The following COMMD10 variants were observed in gnomAD, a reference collection of about 807,000 sequenced individuals.
The protein encoded by COMMD10 is COMM domain-containing protein 10.
In COMMD10, 33 loss-of-function variants were observed where a neutral mutation model predicts 28.9. The ratio of observed to expected loss-of-function variants is 1.14; its 90% CI spans 0.87 to 1.53. The LOEUF is 1.53. Ranked by LOEUF, COMMD10 falls within the 40% of genes most tolerant of loss-of-function variation. COMMD10 has a pLI of 0.00. For missense variants in COMMD10, 310 were observed against 233.4 expected (o/e 1.33, Z -2.14); for synonymous variants, 110 against 81.7 (o/e 1.35, Z -1.87).
intron 5 of COMMD10, among the ~76,000 whole-genome samples, chr5:116,274,904 A>C (rs1226099253): frequency 6.6e-6 from 1 of 151,772 alleles, no homozygotes; most frequent in Non-Finnish European, 1.5e-5. Flanking sequence ...AGCACTCTTA[A>C]GTATTAATCT....
chr5:116,186,812 T>C (rs907486847), intron 5 of COMMD10, among the ~76,000 whole-genome samples: 1 of 152,140 alleles, frequency 6.6e-6, no homozygotes, highest in African/African-American at 2.4e-5. Context: ...TTCTCTTCCT[T>C]AGCAGCATAA....
At chr5:116,230,039 G>T (rs1749490685) in intron 5 of COMMD10, among the ~76,000 whole-genome samples, 1 of 151,730 alleles carries the variant, frequency 6.6e-6, no homozygotes, top group Admixed American at 6.6e-5. Flanking sequence ...ATTAGGTTTT[G>T]TTCACTATTG....
chr5:116,233,182 A>T (rs1375502874), intron 5 of COMMD10, among the ~76,000 whole-genome samples: 1 of 152,172 alleles, frequency 6.6e-6, no homozygotes, highest in Non-Finnish European at 1.5e-5. Context: ...AAAATAGGTG[A>T]GTACAGTACA....
intron 5 of COMMD10, among the ~76,000 whole-genome samples, chr5:116,274,223 C>T (rs1750842395): frequency 6.6e-6 from 1 of 151,848 alleles, no homozygotes; most frequent in African/African-American, 2.4e-5. Flanking sequence ...TTGTGGTAAA[C>T]ATGAGAAATA....
intron 5 of COMMD10, among the ~76,000 whole-genome samples, chr5:116,203,954 T>TA (rs1397718857): frequency 6.6e-6 from 1 of 152,194 alleles, no homozygotes; most frequent in African/African-American, 2.4e-5. Flanking sequence ...GCAAATTGGA[T>TA]AAAGAGTCAA....
intron 5 of COMMD10, among the ~76,000 whole-genome samples, chr5:116,257,416 C>A (rs1197993733): frequency 2.0e-5 from 3 of 151,680 alleles, no homozygotes; most frequent in African/African-American, 7.3e-5. Flanking sequence ...CTGTACTAAC[C>A]AGTTCCAGAT....
chr5:116,119,221 A>G (rs1351148854), intron 4 of COMMD10, among the ~76,000 whole-genome samples: 3 of 152,228 alleles, frequency 2.0e-5, no homozygotes, highest in Non-Finnish European at 2.9e-5. Flanking sequence ...GTCAAGGGAT[A>G]TAATTAAGTT....
chr5:116,127,908 TAGAACTTAA>T (rs2112763340), intron 4 of COMMD10, among the ~76,000 whole-genome samples: 1 of 152,182 alleles, frequency 6.6e-6, no homozygotes, highest in Admixed American at 6.5e-5. Context: ...ACATGTACCC[TAGAACTTAA>T]AGTATAATAA....
At chr5:116,189,402 A>T (rs918150232) in intron 5 of COMMD10, among the ~76,000 whole-genome samples, 2 of 152,148 alleles carry the variant, frequency 1.3e-5, no homozygotes, top group African/African-American at 4.8e-5. Flanking sequence ...CCACATTCTC[A>T]GCAGAGGCTT....
In COMMD10 at chr5:116,182,019, C is replaced by T. The variant is rs546771967; in HGVS notation, c.510+47841C>T. Among the ~76,000 whole-genome samples the T allele has an allele frequency of 1.5e-3, 226 of 151,946 alleles. 1 individual carries two copies. The highest frequency in any genetic ancestry group is 2.6e-3 in the Non-Finnish European group (179 of 67,962). Reference sequence around the variant, plus strand: ...GGTAAACAGACAAATTATGTAGTTGCCAGTTGAAATATGTCATGTGAAGGA... The same window carrying T: ...GGTAAACAGACAAATTATGTAGTTGTCAGTTGAAATATGTCATGTGAAGGA... On this transcript the variant is annotated intron_variant, in intron 5 of 6. Coordinates refer to ENST00000274458, the MANE Select transcript of COMMD10 (RefSeq NM_016144.4).
intron 4 of COMMD10, among the ~76,000 whole-genome samples, chr5:116,094,859 T>G (rs1432087875): frequency 6.6e-6 from 1 of 152,184 alleles, no homozygotes; most frequent in Admixed American, 6.5e-5. Flanking sequence ...AGTGAAATGT[T>G]GTTTGCAGCA....
intron 4 of COMMD10, among the ~76,000 whole-genome samples, chr5:116,096,872 C>A (rs1181617203): frequency 6.6e-6 from 1 of 151,844 alleles, no homozygotes; most frequent in Non-Finnish European, 1.5e-5. Flanking sequence ...CCATTTGTTT[C>A]CCTGCAATTC....
At chr5:116,252,282 G>A (rs1471282431) in intron 5 of COMMD10, among the ~76,000 whole-genome samples, 1 of 142,208 alleles carries the variant, frequency 7.0e-6, no homozygotes, top group Admixed American at 7.2e-5. Flanking sequence ...TTCTTTTGCT[G>A]TGCAGAAGCT....
chr5:116,200,781 T>C (rs751125656), intron 5 of COMMD10, among the ~76,000 whole-genome samples: 1 of 152,158 alleles, frequency 6.6e-6, no homozygotes, highest in Non-Finnish European at 1.5e-5. Context: ...ATCTCTCTTC[T>C]TGTACTTCCC....
chr5:116,273,782 A>T (rs1485708370), intron 5 of COMMD10, among the ~76,000 whole-genome samples: 1 of 151,704 alleles, frequency 6.6e-6, no homozygotes. Flanking sequence ...TGACACTCAA[A>T]TTTTTTATTG....
At chr5:116,284,349 TG>T (rs1751162138) in intron 5 of COMMD10, among the ~76,000 whole-genome samples, 1 of 151,830 alleles carries the variant, frequency 6.6e-6, no homozygotes, top group African/African-American at 2.4e-5. Context: ...TGTATGTGTG[TG>T]TGTGTGTATA....
intron 4 of COMMD10, among the ~76,000 whole-genome samples, chr5:116,127,351 C>T (rs1035223503): frequency 5.3e-5 from 8 of 152,130 alleles, no homozygotes; most frequent in South Asian, 2.1e-4. Context: ...GTTCAACCAT[C>T]GTGGAAGACA....
chr5:116,256,137 T>C (rs1394374426), intron 5 of COMMD10, among the ~76,000 whole-genome samples: 1 of 151,686 alleles, frequency 6.6e-6, no homozygotes, highest in African/African-American at 2.4e-5. Context: ...TTTACTTTAT[T>C]AAAATGCTGT....
intron 5 of COMMD10, among the ~76,000 whole-genome samples, chr5:116,180,736 T>G (rs1747928376): frequency 6.6e-6 from 1 of 151,556 alleles, no homozygotes; most frequent in East Asian, 1.9e-4. Flanking sequence ...ATAAAATCAA[T>G]TTTTTTGACT....
Sources: gnomAD v4.1 joint callset for allele counts (sites outside exome capture counted in the v4.1 genomes callset) on GRCh38, gnomAD v4.1.1 for gene constraint, MANE v1.5 for transcripts, NCBI Gene and HGNC (gene_info 2026-07-23, HGNC 2026-07-21) for gene names.